SUGCT: variants seen among roughly 807,000 people sequenced by gnomAD.
SUGCT encodes the protein succinyl-CoA:glutarate CoA-transferase.
Under a neutral mutation model 55.0 loss-of-function variants are expected in SUGCT, and 41 were observed. That is an observed-to-expected ratio of 0.74 (90% CI 0.58 to 0.97). SUGCT has a LOEUF of 0.97. Ranked by LOEUF, SUGCT falls within the 50% of genes least tolerant of loss-of-function variation. The pLI, the probability that SUGCT is intolerant of heterozygous loss-of-function variation, is 0.00. For synonymous variants in SUGCT, 187 were observed against 200.4 expected (o/e 0.93, Z 0.56); for missense variants, 568 against 547.8 (o/e 1.04, Z -0.37).
chr7:40,891,933 A>G, the SUGCT span, among the ~76,000 whole-genome samples: 1 of 152,030 alleles, frequency 6.6e-6, no homozygotes, highest in East Asian at 1.9e-4. Context: ...ACTTGAACCC[A>G]GGAGGCAGAG....
intron 7 of SUGCT, among the ~76,000 whole-genome samples, chr7:40,264,044 A>C (rs1791396117): frequency 6.6e-6 from 1 of 151,984 alleles, no homozygotes; most frequent in South Asian, 2.1e-4. Flanking sequence ...TCTTGCTGGG[A>C]TTGTTCACCA....
intron 11 of SUGCT, among the ~76,000 whole-genome samples, chr7:40,465,494 C>A (rs185873073): frequency 8.9e-4 from 136 of 152,142 alleles, no homozygotes; most frequent in Non-Finnish European, 1.6e-3. Flanking sequence ...CCTGTAATCC[C>A]AGCTACTCGA....
At chr7:40,999,578 A>G in the SUGCT span, among the ~76,000 whole-genome samples, 3 of 152,178 alleles carry the variant, frequency 2.0e-5, no homozygotes, top group African/African-American at 7.2e-5. Context: ...GTGTTAAACA[A>G]AAACAGGATA....
chr7:41,024,954 A>G, the SUGCT span, among the ~76,000 whole-genome samples: 2 of 152,376 alleles, frequency 1.3e-5, no homozygotes, highest in East Asian at 1.9e-4. Context: ...TCCTATATGC[A>G]TAGGAGCTTA....
chr7:40,973,398 A>G, the SUGCT span, among the ~76,000 whole-genome samples: 4 of 152,100 alleles, frequency 2.6e-5, no homozygotes, highest in African/African-American at 9.7e-5. Flanking sequence ...CTTTTTTACT[A>G]CCCTTCCCTG....
At chr7:40,855,538 C>T (rs1321230889) in intron 13 of SUGCT, among the ~76,000 whole-genome samples, 1 of 150,928 alleles carries the variant, frequency 6.6e-6, no homozygotes. Flanking sequence ...TGTTCTTGTT[C>T]TGTTTTGAGT....
At chr7:40,789,264 C>T (rs777463431) in intron 13 of SUGCT, among the ~76,000 whole-genome samples, 10 of 152,132 alleles carry the variant, frequency 6.6e-5, no homozygotes, top group Non-Finnish European at 1.5e-4. Context: ...AGCAATTTCC[C>T]ATTCCCCTCC....
At chr7:40,558,110 A>C (rs772004020) in intron 12 of SUGCT, among the ~76,000 whole-genome samples, 78 of 151,850 alleles carry the variant, frequency 5.1e-4, no homozygotes, top group Non-Finnish European at 6.6e-4. Context: ...AAAAAAAAAA[A>C]ACCAGAAAAT....
intron 12 of SUGCT, among the ~76,000 whole-genome samples, chr7:40,602,217 C>T (rs920320336): frequency 2.0e-5 from 3 of 152,096 alleles, no homozygotes; most frequent in Non-Finnish European, 4.4e-5. Context: ...CCAACCAACC[C>T]CCAAACCTGA....
At chr7:40,168,294 T>C (rs1784513830) in intron 1 of SUGCT, among the ~76,000 whole-genome samples, 1 of 152,172 alleles carries the variant, frequency 6.6e-6, no homozygotes, top group Non-Finnish European at 1.5e-5. Flanking sequence ...TGCTTCCTGC[T>C]GAATTGGGGC....
chr7:40,434,030 G>A (rs544977659), intron 9 of SUGCT, among the ~76,000 whole-genome samples: 1 of 152,064 alleles, frequency 6.6e-6, no homozygotes. Context: ...TTAGAGATCT[G>A]GAAATAATTA....
chr7:40,554,269 C>T (rs1795448776), intron 12 of SUGCT, among the ~76,000 whole-genome samples: 1 of 152,142 alleles, frequency 6.6e-6, no homozygotes. Flanking sequence ...TAAGATAATG[C>T]CTAACTCTGA....
chr7:40,496,562 G>A (rs1022434186), intron 12 of SUGCT, among the ~76,000 whole-genome samples, 176 bp downstream of exon 12: 3 of 152,090 alleles, frequency 2.0e-5, no homozygotes, highest in African/African-American at 7.2e-5. Flanking sequence ...CTGTCCATAA[G>A]CATACTTATG....
the SUGCT span, among the ~76,000 whole-genome samples, chr7:40,969,646 T>C: frequency 6.6e-6 from 1 of 152,218 alleles, no homozygotes; most frequent in Admixed American, 6.5e-5. Context: ...CATGAGCCGC[T>C]GCACCCAGCT....
chr7:40,720,597 A>G (rs1260732234), intron 12 of SUGCT, among the ~76,000 whole-genome samples: 1 of 152,100 alleles, frequency 6.6e-6, no homozygotes, highest in Non-Finnish European at 1.5e-5. Context: ...TATTAGTCAG[A>G]CTCTTTCCAG....
intron 8 of SUGCT, among the ~76,000 whole-genome samples, chr7:40,278,172 G>GA (rs1340085035): frequency 6.6e-6 from 1 of 152,062 alleles, no homozygotes; most frequent in Non-Finnish European, 1.5e-5. Flanking sequence ...AAAGACACAT[G>GA]AAAAAATGCT....
At position 40,543,344 on chromosome 7, in the gene SUGCT, A is replaced by G. The variant is rs116956981; in HGVS notation, c.1089+46958A>G. 3.1e-3 allele frequency among the ~76,000 whole-genome samples: 475 copies of G among 152,366 alleles called. 3 individuals carry two copies. Among genetic ancestry groups the G allele is most frequent in the Non-Finnish European group, 5.6e-3 (384 of 68,038 alleles). On this transcript the variant is annotated intron_variant, in intron 12 of 13. Coordinates refer to ENST00000335693, the MANE Select transcript of SUGCT (RefSeq NM_001193313.2). ...TTCTCTAAAATATATGCAGCTCAAA[A>G]AATGATAACAAGTACAAAATTTTCA...
intron 7 of SUGCT, among the ~76,000 whole-genome samples, chr7:40,273,566 T>A (rs551007232): frequency 6.6e-6 from 1 of 152,354 alleles, no homozygotes; most frequent in South Asian, 2.1e-4. Context: ...TGTCAAGTAC[T>A]GTTCTAACAT....
the SUGCT span, among the ~76,000 whole-genome samples, chr7:40,995,304 C>G: frequency 6.6e-6 from 1 of 151,970 alleles, no homozygotes; most frequent in Non-Finnish European, 1.5e-5. Context: ...CAAATTAGCA[C>G]CCACTCCCTA....
Sources: gnomAD v4.1 joint callset for allele counts (sites outside exome capture counted in the v4.1 genomes callset) on GRCh38, gnomAD v4.1.1 for gene constraint, MANE v1.5 for transcripts, NCBI Gene and HGNC (gene_info 2026-07-23, HGNC 2026-07-21) for gene names.